The following SESN1 variants were observed in gnomAD, a reference collection of about 807,000 sequenced individuals.
SESN1 encodes the protein sestrin-1.
A neutral mutation model predicts 59.3 loss-of-function variants in SESN1; 30 were observed. The observed-to-expected ratio is 0.51, with a 90% CI of 0.38 to 0.69. The LOEUF (loss-of-function observed/expected upper bound fraction) is 0.69, where lower values mean the gene tolerates loss of function less well. Ranked by LOEUF, SESN1 falls within the 30% of genes least tolerant of loss-of-function variation. SESN1 has a pLI of 0.00. For missense variants in SESN1, 566 were observed against 673.0 expected (o/e 0.84, Z 1.76); for synonymous variants, 197 against 219.9 (o/e 0.90, Z 0.92).
intron 1 of SESN1, among the ~76,000 whole-genome samples, chr6:109,052,494 G>A (rs1780556882): frequency 6.6e-6 from 1 of 152,080 alleles, no homozygotes; most frequent in African/African-American, 2.4e-5. Flanking sequence ...TTAGACAGCT[G>A]AGATCAAACA....
intron 1 of SESN1, among the ~76,000 whole-genome samples, chr6:109,065,951 C>T (rs187846563): frequency 2.7e-4 from 41 of 151,634 alleles, no homozygotes; most frequent in African/African-American, 9.4e-4. Context: ...AGATAAGAGC[C>T]TAAACTAAGA....
At chr6:109,056,410 A>C (rs1054527333) in intron 1 of SESN1, among the ~76,000 whole-genome samples, 8 of 145,276 alleles carry the variant, frequency 5.5e-5, no homozygotes, top group African/African-American at 2.3e-4. Context: ...TCTTGGAAAA[A>C]CAACAACAAC....
chr6:109,016,958 T>C (rs12205061), intron 1 of SESN1, among the ~76,000 whole-genome samples: 15,196 of 152,134 alleles, frequency 0.1, 915 homozygotes, highest in Middle Eastern at 0.19. Context: ...TAATTTGTTA[T>C]GAGTCTAATT....
At chr6:109,025,900 T>C (rs115763749) in intron 1 of SESN1, among the ~76,000 whole-genome samples, 2 of 150,288 alleles carry the variant, frequency 1.3e-5, no homozygotes, top group African/African-American at 4.9e-5. Context: ...GGTAATATTC[T>C]AAGACACGAT....
chr6:109,071,353 CTT>C (rs78641650), intron 1 of SESN1, among the ~76,000 whole-genome samples: 68 of 136,390 alleles, frequency 5.0e-4, no homozygotes, highest in Non-Finnish European at 4.8e-4. Context: ...GTTTTTGTTT[CTT>C]TTTTTTTTTT....
rs376950903 is a variant in SESN1, at chr6:109,001,464, C to T, written c.370G>A (p.Ala124Thr). Residue 124 changes from alanine to threonine, a missense_variant, in exon 3 of 10, where the codon GCA becomes ACA. By Grantham distance (58) the Ala-to-Thr change is moderately conservative. Transcript: ENST00000436639. ...TCTGCAAATAAAGCATGCATCTGTG[C>T]GTCTTCACTCCCCACTTGGAGGATC... Reference protein sequence around the residue: ...KEILQVGSEDAQMHALFADSF... With the variant: ...KEILQVGSEDTQMHALFADSF... 10 of 1,613,292 alleles carry T rather than the reference C, an allele frequency of 6.2e-6. No individual in the cohort carries two copies. The Admixed American group carries it at 1.2e-4, about 19-fold the overall frequency.
rs887330063 is a variant in SESN1 at position 109,009,362 on chromosome 6, G to C, written c.280-7019C>G. ...GCTCAGCCCCTCGCCCAGGTACCTC[G>C]TCCTGGTCGCGGCCCCCGCCGCACT... On this transcript the variant is annotated intron_variant, in intron 1 of 9. Coordinates refer to ENST00000436639, the MANE Select transcript of SESN1 (RefSeq NM_014454.3). The C allele has an allele frequency of 3.4e-6, 5 of 1,469,218 alleles. No individual in the cohort carries two copies. In the South Asian group the frequency reaches 3.9e-5, roughly 11 times the overall value. 91.0% of individuals were successfully genotyped at this position (1,469,218 alleles called of 1,614,324 possible).
chr6:109,022,052 T>G (rs1350100959), intron 1 of SESN1, among the ~76,000 whole-genome samples: 1 of 152,100 alleles, frequency 6.6e-6, no homozygotes, highest in Non-Finnish European at 1.5e-5. Flanking sequence ...GCCAGGCATT[T>G]TTTTTTTTCC....
rs150964038 is a variant in SESN1 at position 109,091,053 on chromosome 6, G to A, written c.279+2742C>T. On this transcript the variant is annotated intron_variant, in intron 1 of 9. Transcript: ENST00000436639. ...GCCTTCCAAAGTGCTGGGATTACAG[G>A]TGTGAGCCACCCCGCCCAACTTAGT... 8.5e-5 allele frequency among the ~76,000 whole-genome samples: 13 copies of A among 152,202 alleles called. No homozygotes were observed. The East Asian group carries it at 2.5e-3, about 29-fold the overall frequency.
intron 1 of SESN1, among the ~76,000 whole-genome samples, chr6:109,062,698 C>T (rs1780751607): frequency 6.6e-6 from 1 of 152,062 alleles, no homozygotes. Flanking sequence ...TCCAAGACCC[C>T]CATAAATGTG....
At chr6:109,000,376 T>C (rs774785110) in intron 4 of SESN1, 115 bp downstream of exon 4, 9 of 722,066 alleles carry the variant, frequency 1.2e-5, no homozygotes, top group Non-Finnish European at 1.9e-5. Context: ...TGGGAAGAGA[T>C]TCAGGGGGTA....
At chr6:109,015,482 TTAAA>T (rs761018280) in intron 1 of SESN1, among the ~76,000 whole-genome samples, 2 of 152,298 alleles carry the variant, frequency 1.3e-5, no homozygotes, top group Admixed American at 6.5e-5. Flanking sequence ...AAGTTTGGCT[TTAAA>T]TAATCCTTAG....
chr6:109,062,423 A>G (rs944367993), intron 1 of SESN1, among the ~76,000 whole-genome samples: 1 of 152,244 alleles, frequency 6.6e-6, no homozygotes, highest in Non-Finnish European at 1.5e-5. Flanking sequence ...CAGCCACACC[A>G]TGGAGGGCCT....
At chr6:109,041,323 T>C (rs1017290795) in intron 1 of SESN1, among the ~76,000 whole-genome samples, 1 of 151,612 alleles carries the variant, frequency 6.6e-6, no homozygotes, top group South Asian at 2.1e-4. Flanking sequence ...AAATAATAAT[T>C]TAAAAAAATA....
intron 2 of SESN1, among the ~76,000 whole-genome samples, 174 bp downstream of exon 2, chr6:109,002,104 A>G (rs567016320): frequency 6.6e-6 from 1 of 152,212 alleles, no homozygotes; most frequent in Admixed American, 6.5e-5. Context: ...AGAAATCAAC[A>G]CAAGTACAAC....
chr6:109,029,012 T>G (rs1245496202), intron 1 of SESN1, among the ~76,000 whole-genome samples: 2 of 152,206 alleles, frequency 1.3e-5, no homozygotes, highest in Non-Finnish European at 2.9e-5. Flanking sequence ...ACTTCATAAG[T>G]ATAAAATTCT....
At chr6:109,062,751 C>T (rs1178603976) in intron 1 of SESN1, among the ~76,000 whole-genome samples, 4 of 152,112 alleles carry the variant, frequency 2.6e-5, no homozygotes, top group African/African-American at 9.7e-5. Context: ...ACTATGTTTT[C>T]TCTTATACAT....
intron 6 of SESN1, 95 bp from the exon 7 acceptor site, chr6:108,992,994 G>C: frequency 2.8e-6 from 2 of 723,842 alleles, no homozygotes; most frequent in Non-Finnish European, 4.8e-6. Context: ...CTCTTTCTCT[G>C]ATACTGAGTG....
chr6:109,062,342 A>G (rs1780747186), intron 1 of SESN1, among the ~76,000 whole-genome samples: 2 of 152,230 alleles, frequency 1.3e-5, no homozygotes, highest in African/African-American at 4.8e-5. Context: ...GCAGTAAGCA[A>G]AGAGGGCCTG....
Sources: gnomAD v4.1 joint callset for allele counts (sites outside exome capture counted in the v4.1 genomes callset) on GRCh38, gnomAD v4.1.1 for gene constraint, MANE v1.5 for transcripts, NCBI Gene and HGNC (gene_info 2026-07-23, HGNC 2026-07-21) for gene names.